STAT5B: variants seen among roughly 807,000 people sequenced by gnomAD.
STAT5B encodes signal transducer and activator of transcription 5B, also known as transcription factor STAT5B.
A neutral mutation model predicts 107.8 loss-of-function variants in STAT5B; 21 were observed. That is an observed-to-expected ratio of 0.19 (90% CI 0.14 to 0.28). STAT5B has a LOEUF of 0.28. Among genes scored for constraint, STAT5B ranks in the 10% least tolerant of loss-of-function variants. The pLI, the probability that STAT5B is intolerant of heterozygous loss-of-function variation, is 1.00. For missense variants in STAT5B, 565 were observed against 1,008.2 expected (o/e 0.56, Z 5.95); for synonymous variants, 325 against 401.7 (o/e 0.81, Z 2.28).
intron 1 of STAT5B, among the ~76,000 whole-genome samples, chr17:42,266,714 T>C (rs1567678929): frequency 6.6e-6 from 1 of 151,914 alleles, no homozygotes; most frequent in Non-Finnish European, 1.5e-5. Flanking sequence ...TCTATTTTTT[T>C]TTAACTATGT....
intron 1 of STAT5B, among the ~76,000 whole-genome samples, chr17:42,232,380 C>T (rs926989643): frequency 1.3e-5 from 2 of 152,090 alleles, no homozygotes; most frequent in African/African-American, 4.8e-5. Context: ...TCCTGAGTAG[C>T]TGGGATTACA....
chr17:42,236,713 A>G (rs2080359319), intron 1 of STAT5B, among the ~76,000 whole-genome samples: 1 of 152,200 alleles, frequency 6.6e-6, no homozygotes, highest in Non-Finnish European at 1.5e-5. Context: ...CTGGGATTAC[A>G]GGCGTGAGCC....
chr17:42,228,431 T>C (rs1286712107), intron 2 of STAT5B, among the ~76,000 whole-genome samples: 1 of 152,194 alleles, frequency 6.6e-6, no homozygotes, highest in Non-Finnish European at 1.5e-5. Flanking sequence ...CCTTCCTTTC[T>C]ACTACTTAGG....
At chr17:42,214,057 C>T (rs559299325) in intron 12 of STAT5B, among the ~76,000 whole-genome samples, 13 of 151,440 alleles carry the variant, frequency 8.6e-5, no homozygotes, top group African/African-American at 2.9e-4. Flanking sequence ...GCAGGAGAAT[C>T]GCTTGAATCC....
chr17:42,237,231 G>T (rs1430914857), intron 1 of STAT5B, among the ~76,000 whole-genome samples: 2 of 152,038 alleles, frequency 1.3e-5, no homozygotes, highest in Admixed American at 1.3e-4. Context: ...AATCAGTCGG[G>T]CCCTCAGGCA....
chr17:42,216,161 C>T (rs1957984740), intron 11 of STAT5B, 55 bp from the exon 12 acceptor site: 7 of 1,436,094 alleles, frequency 4.9e-6, no homozygotes, highest in Non-Finnish European at 6.6e-6. Flanking sequence ...TCTTCTCCTT[C>T]TCTCTTTTTT....
At chr17:42,269,099 A>C (rs2080699865) in intron 1 of STAT5B, among the ~76,000 whole-genome samples, 1 of 152,070 alleles carries the variant, frequency 6.6e-6, no homozygotes, top group Non-Finnish European at 1.5e-5. Flanking sequence ...TTTGAGATGG[A>C]GTCTCGCTCC....
chr17:42,265,377 C>CTTCTTTTTTTTTTTTTTTTTTTTTTTT (rs2080659931), intron 1 of STAT5B, among the ~76,000 whole-genome samples: 1 of 110,596 alleles, frequency 9.0e-6, no homozygotes. Flanking sequence ...ATGTACTCTT[C>CTTCTTTTTTTTTTTTTTTTTTTTTTTT]TTTTTTTTTT....
intron 5 of STAT5B, among the ~76,000 whole-genome samples, chr17:42,222,020 T>G (rs2080231956): frequency 7.5e-6 from 1 of 134,052 alleles, no homozygotes; most frequent in African/African-American, 2.9e-5. Flanking sequence ...GTGTGTGGTG[T>G]GGTGTGTGTG....
the STAT5B span, among the ~76,000 whole-genome samples, chr17:42,286,225 C>T: frequency 1.3e-4 from 17 of 128,314 alleles, no homozygotes; most frequent in African/African-American, 4.9e-4. Context: ...GAGAGCGAAA[C>T]TCCATCTCAA....
upstream of STAT5B, among the ~76,000 whole-genome samples, chr17:42,279,515 C>T (rs2080786922): frequency 6.6e-6 from 1 of 152,004 alleles, no homozygotes; most frequent in African/African-American, 2.4e-5. Context: ...GGGCCGGGCG[C>T]AGTGGCTCAC....
chr17:42,286,775 C>A, the STAT5B span, among the ~76,000 whole-genome samples: 2 of 152,232 alleles, frequency 1.3e-5, no homozygotes, highest in Non-Finnish European at 2.9e-5. Context: ...CTGGAGGGCA[C>A]AGGTGCCAAG....
chr17:42,202,989 C>G lies in STAT5B; in HGVS notation c.2078-181G>C, dbSNP rs1007812994. ...AAACAGTCTCACTCTCTCATCCAGGCTGGAGTACGGTGGTGCAATCTCGGC... is the reference window on the plus strand; with the variant it reads ...AAACAGTCTCACTCTCTCATCCAGGGTGGAGTACGGTGGTGCAATCTCGGC... On this transcript the variant is annotated intron_variant, in intron 16 of 18. Transcript: ENST00000293328. 1.0e-5 allele frequency: 8 copies of G among 797,326 alleles called. No homozygotes were observed. The African/African-American group carries it at 1.4e-4, about 14-fold the overall frequency. 49.4% of individuals were successfully genotyped at this position (797,326 alleles called of 1,614,324 possible).
At chr17:42,283,304 T>A in the STAT5B span, among the ~76,000 whole-genome samples, 1 of 152,136 alleles carries the variant, frequency 6.6e-6, no homozygotes, top group Non-Finnish European at 1.5e-5. Flanking sequence ...CTGTGTGCCC[T>A]CTCTCCTCTC....
At chr17:42,280,178 A>G (rs2080789812), upstream of STAT5B, among the ~76,000 whole-genome samples, 2 of 152,272 alleles carry the variant, frequency 1.3e-5, no homozygotes, top group South Asian at 4.2e-4. Flanking sequence ...GAATGACCCA[A>G]GAAGGTACCT....
At chr17:42,257,976 T>G (rs1181007952) in intron 1 of STAT5B, among the ~76,000 whole-genome samples, 1 of 152,218 alleles carries the variant, frequency 6.6e-6, no homozygotes, top group African/African-American at 2.4e-5. Context: ...GGAATTATAA[T>G]GAATTTTAAA....
chr17:42,236,481 G>A (rs1489787899), intron 1 of STAT5B, among the ~76,000 whole-genome samples: 19 of 152,148 alleles, frequency 1.2e-4, no homozygotes, highest in African/African-American at 4.1e-4. Context: ...TCACTCTGTC[G>A]CCTAGGCTGG....
At position 42,232,079 on chromosome 17, in the gene STAT5B, G is replaced by C; in HGVS notation, c.49C>G (p.Gln17Glu). 6.2e-7 allele frequency: 1 copy of C among 1,613,924 alleles called. No individual in the cohort carries two copies. The highest frequency in any genetic ancestry group is 8.5e-7 in the Non-Finnish European group (1 of 1,179,958). ...TGCTGGCCATATAACGCTTGCATCT[G>C]ATGAAGGGCTTCTCCTTGGAGCTGC... The part of the protein sequence containing the change: ...AQQLQGEALH[Q>E]MQALYGQHFP... The change falls in exon 2 of 19, where the codon CAG becomes GAG. Residue 17 changes from glutamine (Q) to glutamate (E), a missense_variant. Physicochemically the swap from Gln to Glu is conservative, Grantham distance 29. Coordinates refer to ENST00000293328, the MANE Select transcript of STAT5B (RefSeq NM_012448.4).
chr17:42,260,527 G>A (rs2080585717), intron 1 of STAT5B, among the ~76,000 whole-genome samples: 1 of 151,732 alleles, frequency 6.6e-6, no homozygotes, highest in Admixed American at 6.6e-5. Flanking sequence ...TCCCACCTTG[G>A]CCTCCCAAGT....
Sources: gnomAD v4.1 joint callset for allele counts (sites outside exome capture counted in the v4.1 genomes callset) on GRCh38, gnomAD v4.1.1 for gene constraint, MANE v1.5 for transcripts, NCBI Gene and HGNC (gene_info 2026-07-23, HGNC 2026-07-21) for gene names.